NUP37: variants seen among roughly 807,000 people sequenced by gnomAD.
NUP37 encodes the protein nucleoporin 37, also known as nucleoporin Nup37.
A neutral mutation model predicts 45.4 loss-of-function variants in NUP37; 33 were observed. The ratio of observed to expected loss-of-function variants is 0.73; its 90% CI spans 0.55 to 0.97. NUP37 has a LOEUF of 0.97. NUP37 is among the 50% of genes least tolerant of loss of function. The probability of loss-of-function intolerance (pLI) is 0.00; values close to 1 mark genes in which losing one functional copy is unlikely to be tolerated. For missense variants in NUP37, 365 were observed against 389.7 expected (o/e 0.94, Z 0.53); for synonymous variants, 127 against 130.7 (o/e 0.97, Z 0.19).
intron 3 of NUP37, among the ~76,000 whole-genome samples, chr12:102,107,847 A>T (rs548430167): frequency 1.2e-4 from 19 of 152,124 alleles, no homozygotes; most frequent in Non-Finnish European, 2.2e-4. Flanking sequence ...ATAAAACTAT[A>T]AAAAAAAGCA....
At chr12:102,085,053 T>C (rs528031054) in intron 6 of NUP37, among the ~76,000 whole-genome samples, 23 of 152,342 alleles carry the variant, frequency 1.5e-4, no homozygotes, top group African/African-American at 5.1e-4. Flanking sequence ...TAATGTTTTT[T>C]GTTCACACAG....
intron 2 of NUP37, among the ~76,000 whole-genome samples, chr12:102,112,966 A>G (rs1397466805): frequency 6.6e-6 from 1 of 152,228 alleles, no homozygotes; most frequent in Middle Eastern, 3.2e-3. Context: ...TAAATGCTTA[A>G]TAAAGTTGGC....
At chr12:102,109,632 T>C (rs1156981231) in intron 3 of NUP37, among the ~76,000 whole-genome samples, 7 of 152,192 alleles carry the variant, frequency 4.6e-5, no homozygotes, top group Non-Finnish European at 7.3e-5. Flanking sequence ...AATGGCCTGC[T>C]AATGTCTTTT....
chr12:102,099,025 A>G, intron 5 of NUP37, 81 bp downstream of exon 5: 1 of 938,110 alleles, frequency 1.1e-6, no homozygotes, highest in South Asian at 1.4e-5. Flanking sequence ...TGTAAAAGTC[A>G]CATTTTTTTT....
chr12:102,104,820 G>A (rs1192473902), intron 3 of NUP37, among the ~76,000 whole-genome samples: 1 of 152,068 alleles, frequency 6.6e-6, no homozygotes, highest in African/African-American at 2.4e-5. Context: ...TTATCTTTAT[G>A]CCAGTACCAT....
intron 3 of NUP37, among the ~76,000 whole-genome samples, chr12:102,107,697 G>C (rs1880193124): frequency 6.6e-6 from 1 of 152,092 alleles, no homozygotes; most frequent in African/African-American, 2.4e-5. Context: ...TCTACAAGTA[G>C]AAACTTGGAT....
chr12:102,109,116 C>T (rs928257193), intron 3 of NUP37, among the ~76,000 whole-genome samples: 1 of 152,146 alleles, frequency 6.6e-6, no homozygotes. Context: ...TTCTTTGAAT[C>T]CTTGCTGTTT....
At position 102,118,462 on chromosome 12, in the gene NUP37, CA is replaced by C. The variant is rs1880550163; in HGVS notation, c.56del (p.Val19GlyfsTer4). On this transcript the variant is annotated frameshift_variant, in exon 2 of 10. Transcript: ENST00000552283. LOFTEE classifies it high-confidence loss of function. The stretch of plus-strand genomic sequence containing the variant: ...CAAAGGGATTAAATTCTACCACATG[CA>C]CATAATCTTCACAATCCACAGTGTA... ...AAYTVDCEDY[V>X]HVVEFNPFEN... 6.2e-7 allele frequency: 1 copy of C among 1,613,982 alleles called. No homozygotes were observed. The highest frequency in any genetic ancestry group is 1.1e-5 in the South Asian group (1 of 91,054).
chr12:102,098,124 T>C (rs547339706), intron 5 of NUP37, among the ~76,000 whole-genome samples: 1 of 152,290 alleles, frequency 6.6e-6, no homozygotes, highest in East Asian at 1.9e-4. Context: ...ACAGTATCGT[T>C]AAAGCAAATG....
chr12:102,110,954 CAT>C (rs1362645948), intron 3 of NUP37, among the ~76,000 whole-genome samples: 4 of 152,174 alleles, frequency 2.6e-5, no homozygotes, highest in Non-Finnish European at 5.9e-5. Context: ...AAATGTTAAA[CAT>C]ACATCTACCC....
chr12:102,093,213 A>T (rs1167816003), intron 5 of NUP37, among the ~76,000 whole-genome samples: 1 of 152,048 alleles, frequency 6.6e-6, no homozygotes, highest in Non-Finnish European at 1.5e-5. Flanking sequence ...ACACTAATAA[A>T]CTACACCACA....
At chr12:102,105,424 G>A (rs763847071) in intron 3 of NUP37, among the ~76,000 whole-genome samples, 1 of 152,086 alleles carries the variant, frequency 6.6e-6, no homozygotes, top group Non-Finnish European at 1.5e-5. Context: ...CAGCCACTTG[G>A]GAGACTGAGG....
chr12:102,109,335 A>G (rs1362042419), intron 3 of NUP37, among the ~76,000 whole-genome samples: 3 of 152,306 alleles, frequency 2.0e-5, no homozygotes, highest in Non-Finnish European at 4.4e-5. Flanking sequence ...ATTAATGATG[A>G]TAAGAGAGAT....
chr12:102,075,164 C>T, intron 8 of NUP37, 70 bp from the exon 9 acceptor site: 1 of 786,222 alleles, frequency 1.3e-6, no homozygotes, highest in Non-Finnish European at 1.9e-6. Flanking sequence ...CTGAAGCGGG[C>T]TTTTTCTTTT....
At chr12:102,102,665 A>C (rs988884623) in intron 3 of NUP37, among the ~76,000 whole-genome samples, 1 of 152,202 alleles carries the variant, frequency 6.6e-6, no homozygotes, top group African/African-American at 2.4e-5. Flanking sequence ...AGATCCAAAA[A>C]ATTCACTGTT....
intron 6 of NUP37, among the ~76,000 whole-genome samples, chr12:102,085,470 C>T (rs1045396212): frequency 6.6e-6 from 1 of 151,922 alleles, no homozygotes; most frequent in South Asian, 2.1e-4. Flanking sequence ...AAAAAAATCC[C>T]TGCCTACTGC....
intron 5 of NUP37, among the ~76,000 whole-genome samples, chr12:102,086,344 C>T (rs145601255): frequency 6.6e-5 from 10 of 152,316 alleles, no homozygotes; most frequent in African/African-American, 2.2e-4. Context: ...TTTAGCAACA[C>T]GGCCATCTTC....
chr12:102,090,600 A>G (rs1420096102), intron 5 of NUP37, among the ~76,000 whole-genome samples: 1 of 152,086 alleles, frequency 6.6e-6, no homozygotes, highest in Non-Finnish European at 1.5e-5. Flanking sequence ...TTAAGTTTCT[A>G]AAAGAAAAAA....
rs114200876 is a variant in NUP37, at chr12:102,115,462, A to C, written c.156+2901T>G. On this transcript the variant is annotated intron_variant, in intron 2 of 9. Coordinates refer to ENST00000552283, the MANE Select transcript of NUP37 (RefSeq NM_024057.4). ...GATGAGAACATTGATTTAGGCAAGC[A>C]TATATGTTCATGCTCCTCTGCCCTT... Among the ~76,000 whole-genome samples the C allele has an allele frequency of 4.1e-3, 618 of 152,350 alleles. 5 individuals are homozygous for C. The highest frequency in any genetic ancestry group is 0.013 in the African/African-American group (531 of 41,578).
Sources: gnomAD v4.1 joint callset for allele counts (sites outside exome capture counted in the v4.1 genomes callset) on GRCh38, gnomAD v4.1.1 for gene constraint, MANE v1.5 for transcripts, NCBI Gene and HGNC (gene_info 2026-07-23, HGNC 2026-07-21) for gene names.